The following DHX57 variants were observed in gnomAD, a reference collection of about 807,000 sequenced individuals.
DHX57 encodes the protein putative ATP-dependent RNA helicase DHX57.
DHX57 carries 105 observed loss-of-function variants against 156.2 expected under a neutral mutation model. The observed-to-expected ratio is 0.67, with a 90% CI of 0.57 to 0.79. The LOEUF is 0.79. DHX57 is among the 30% of genes least tolerant of loss of function. The pLI, the probability that DHX57 is intolerant of heterozygous loss-of-function variation, is 0.00. For missense variants in DHX57, 1,847 were observed against 1,661.9 expected, an observed-to-expected ratio of 1.11 and a Z score of -1.94; for synonymous variants, 704 against 595.6, an observed-to-expected ratio of 1.18 and a Z score of -2.65.
chr2:38,843,150 C>G lies in DHX57; in HGVS notation c.2280G>C (p.Lys760Asn). Residue 760 changes from lysine to asparagine, a missense_variant, in exon 12 of 24, where the codon AAG becomes AAC. Lys to Asn is a moderately conservative substitution (Grantham distance 94). Coordinates refer to ENST00000457308, the MANE Select transcript of DHX57 (RefSeq NM_198963.3). ...MRSMKQISKE[K>N]LKARRNRTAF... The stretch of plus-strand genomic sequence containing the variant: ...CAGTTCTGTTCCGCCTTGCTTTAAG[C>G]TTTTCCTTTGAAATCTGTTTCATGG... 1 of 1,614,224 alleles carries G rather than the reference C, an allele frequency of 6.2e-7. No individual in the cohort carries two copies. The highest frequency in any genetic ancestry group is 8.5e-7 in the Non-Finnish European group (1 of 1,180,040).
intron 23 of DHX57, among the ~76,000 whole-genome samples, chr2:38,800,770 A>G (rs1203417705): frequency 6.6e-6 from 1 of 152,172 alleles, no homozygotes; most frequent in Non-Finnish European, 1.5e-5. Flanking sequence ...GTCACCACTG[A>G]ACTGCTAAAT....
chr2:38,809,753 G>T (rs747571952), intron 21 of DHX57, among the ~76,000 whole-genome samples: 1 of 151,872 alleles, frequency 6.6e-6, no homozygotes, highest in African/African-American at 2.4e-5. Flanking sequence ...GTGAGCCACC[G>T]CACTCGGCCT....
At position 38,833,009 on chromosome 2, in the gene DHX57, C is replaced by T. The variant is rs1282329548; in HGVS notation, c.2543-4573G>A. Among the ~76,000 whole-genome samples the T allele has an allele frequency of 9.9e-5, 13 of 130,890 alleles. No individual in the cohort carries two copies. In the South Asian group the frequency reaches 1.2e-3, roughly 12 times the overall value. The allele number at this position is 130,890 out of a possible 152,430, so 85.9% of individuals were successfully genotyped here. On this transcript the variant is annotated intron_variant, in intron 13 of 23. Coordinates refer to ENST00000457308, the MANE Select transcript of DHX57 (RefSeq NM_198963.3). ...TTTTTTTTTTTTTTTTTTTCTGAGA[C>T]GGAGTTTTGCTGTTGTTGCTTGGTG...
At chr2:38,805,018 T>C (rs1458263822) in intron 22 of DHX57, among the ~76,000 whole-genome samples, 2 of 152,240 alleles carry the variant, frequency 1.3e-5, no homozygotes, top group African/African-American at 4.8e-5. Flanking sequence ...TTTCTTCCAC[T>C]GTCCTCAACA....
chr2:38,835,429 C>T (rs1671601317), intron 13 of DHX57, among the ~76,000 whole-genome samples: 1 of 152,216 alleles, frequency 6.6e-6, no homozygotes, highest in Non-Finnish European at 1.5e-5. Flanking sequence ...ATGGGAACCC[C>T]TTTTCTGGAC....
chr2:38,815,492 G>C (rs747582923), intron 20 of DHX57, 29 bp downstream of exon 20: 1 of 1,613,440 alleles, frequency 6.2e-7, no homozygotes, highest in Non-Finnish European at 8.5e-7. Context: ...TAATTAAAGA[G>C]AAATGAGAAC....
At chr2:38,814,223 C>T (rs1670413691) in intron 20 of DHX57, among the ~76,000 whole-genome samples, 1 of 152,180 alleles carries the variant, frequency 6.6e-6, no homozygotes, top group South Asian at 2.1e-4. Flanking sequence ...CAGGCGTGAG[C>T]CACTGCGTCT....
chr2:38,837,486 T>C (rs1378145742), intron 13 of DHX57, among the ~76,000 whole-genome samples: 1 of 151,356 alleles, frequency 6.6e-6, no homozygotes, highest in East Asian at 2.0e-4. Flanking sequence ...TGGCACATGC[T>C]TGTAATCCCA....
chr2:38,806,797 G>C (rs1043982539), intron 21 of DHX57, 104 bp from the exon 22 acceptor site: 2 of 1,106,276 alleles, frequency 1.8e-6, no homozygotes, highest in Non-Finnish European at 2.5e-6. Flanking sequence ...AGTCTTGCTT[G>C]AATAGCTTTC....
rs1017572970 is a variant in DHX57, at chr2:38,846,881, G to T, written c.2219+138C>A. 3 of 519,152 alleles carry T rather than the reference G, an allele frequency of 5.8e-6. No homozygotes were observed. The Admixed American group carries it at 1.1e-4, about 20-fold the overall frequency. The allele number at this position is 519,152 out of a possible 1,614,324, so 32.2% of individuals were successfully genotyped here. On this transcript the variant is annotated intron_variant, in intron 11 of 23. Transcript: ENST00000457308. ...TTTTTTTTTTTCTCAATAGATGGGG[G>T]TCCCAATATGTTGCCCAAGCTGGTC...
In DHX57 at chr2:38,875,929, C is replaced by T; in HGVS notation, c.-149G>A. 2.5e-6 allele frequency: 1 copy of T among 397,538 alleles called. No homozygotes were observed. The highest frequency in any genetic ancestry group is 4.4e-5 in the Admixed American group (1 of 22,718). The allele number at this position is 397,538 out of a possible 1,614,324, so 24.6% of individuals were successfully genotyped here. On this transcript the variant is annotated 5_prime_UTR_variant, in exon 1 of 24. Transcript: ENST00000457308. ...CAGCTGCAGCGGCACAGTCCCGGCG[C>T]CTTCTGATTGGCTCAGCTACAGCCC...
chr2:38,836,197 A>C (rs1434177002), intron 13 of DHX57, among the ~76,000 whole-genome samples: 1 of 152,160 alleles, frequency 6.6e-6, no homozygotes, highest in African/African-American at 2.4e-5. Flanking sequence ...TTTTTAGAGA[A>C]ATGAAAGAGC....
intron 7 of DHX57, among the ~76,000 whole-genome samples, chr2:38,855,589 A>C (rs1388180784): frequency 6.6e-6 from 1 of 152,192 alleles, no homozygotes; most frequent in Non-Finnish European, 1.5e-5. Flanking sequence ...TGATTATCAA[A>C]ATATTTTATA....
At chr2:38,859,657 G>C (rs562601695) in intron 5 of DHX57, among the ~76,000 whole-genome samples, 14 of 152,166 alleles carry the variant, frequency 9.2e-5, no homozygotes, top group African/African-American at 3.4e-4. Context: ...GGAGTGGGTC[G>C]GGTGGTTAGT....
chr2:38,810,543 G>T, intron 21 of DHX57: 1 of 567,352 alleles, frequency 1.8e-6, no homozygotes, highest in Non-Finnish European at 3.4e-6. Flanking sequence ...TGCCCTCCAC[G>T]TTCATGCTCA....
intron 9 of DHX57, among the ~76,000 whole-genome samples, chr2:38,849,056 A>C (rs1488448830): frequency 6.6e-6 from 1 of 152,236 alleles, no homozygotes; most frequent in Non-Finnish European, 1.5e-5. Context: ...AAATTTGATA[A>C]TTCTACTTCT....
At chr2:38,805,303 A>G (rs1333962792) in intron 22 of DHX57, among the ~76,000 whole-genome samples, 1 of 152,166 alleles carries the variant, frequency 6.6e-6, no homozygotes, top group Non-Finnish European at 1.5e-5. Context: ...GTAGTTCCAG[A>G]GGATAGAGCA....
At chr2:38,863,787 C>T (rs1315464771) in intron 2 of DHX57, among the ~76,000 whole-genome samples, 2 of 151,956 alleles carry the variant, frequency 1.3e-5, no homozygotes, top group African/African-American at 4.8e-5. Context: ...CCGAGGCTGG[C>T]GGATCACCTG....
At chr2:38,874,781 C>A (rs1441768051) in intron 1 of DHX57, among the ~76,000 whole-genome samples, 3 of 152,216 alleles carry the variant, frequency 2.0e-5, no homozygotes, top group African/African-American at 7.2e-5. Flanking sequence ...TAGTTCATAC[C>A]CATGTTGTTC....
Sources: gnomAD v4.1 joint callset for allele counts (sites outside exome capture counted in the v4.1 genomes callset) on GRCh38, gnomAD v4.1.1 for gene constraint, MANE v1.5 for transcripts, NCBI Gene and HGNC (gene_info 2026-07-23, HGNC 2026-07-21) for gene names.